Variants in GREB1 observed in about 807,000 individuals in gnomAD.
The protein encoded by GREB1 is growth regulating estrogen receptor binding 1, also known as protein GREB1.
A neutral mutation model predicts 200.7 loss-of-function variants in GREB1; 106 were observed. That is an observed-to-expected ratio of 0.53 (90% CI 0.45 to 0.62). GREB1 has a LOEUF of 0.62. Ranked by LOEUF, GREB1 falls within the 20% of genes least tolerant of loss-of-function variation. GREB1 has a pLI of 0.00. For synonymous variants in GREB1, 1,132 were observed against 1,092.4 expected (o/e 1.04, Z -0.72); for missense variants, 2,243 against 2,556.8 (o/e 0.88, Z 2.65).
chr2:11,547,062 G>A (rs1675351182), intron 1 of GREB1, among the ~76,000 whole-genome samples: 2 of 150,484 alleles, frequency 1.3e-5, no homozygotes, highest in Non-Finnish European at 2.9e-5. Context: ...CTCCTGCCTC[G>A]GCCTCCCGAG....
intron 11 of GREB1, among the ~76,000 whole-genome samples, chr2:11,594,261 C>T (rs1681007845): frequency 1.3e-5 from 2 of 151,780 alleles, no homozygotes; most frequent in African/African-American, 4.8e-5. Flanking sequence ...CCACCCGCCT[C>T]AGTCTCCCAA....
chr2:11,522,703 A>G (rs1209300949), intron 1 of GREB1, among the ~76,000 whole-genome samples: 1 of 152,210 alleles, frequency 6.6e-6, no homozygotes, highest in Non-Finnish European at 1.5e-5. Context: ...GGGACACAGA[A>G]TGACACAAGC....
At position 11,612,247 on chromosome 2, in the gene GREB1, C is replaced by G. The variant is rs149710181; in HGVS notation, c.3007-248C>G. On this transcript the variant is annotated intron_variant, in intron 18 of 32. Transcript: ENST00000381486. ...AGCTGACAACATAGACTTCCTTTCACGGAGCTGGTCAGCTGATAGAGATGT... is the reference window on the plus strand; with the variant it reads ...AGCTGACAACATAGACTTCCTTTCAGGGAGCTGGTCAGCTGATAGAGATGT... 5.1e-6 allele frequency: 5 copies of G among 978,348 alleles called. No individual in the cohort carries two copies. In the African/African-American group the frequency reaches 6.9e-5, roughly 13 times the overall value. 60.6% of individuals were successfully genotyped at this position (978,348 alleles called of 1,614,324 possible). A position where few individuals can be genotyped will look rare whatever the true frequency, so the allele number is the denominator to read the frequency against.
At chr2:11,595,198 GC>G in intron 11 of GREB1, 52 bp from the exon 12 acceptor site, 1 of 1,541,182 alleles carries the variant, frequency 6.5e-7, no homozygotes, top group Non-Finnish European at 8.8e-7. Flanking sequence ...GGGCTACACA[GC>G]CCGTAAGCAG....
At chr2:11,620,047 G>A (rs994138678) in intron 22 of GREB1, among the ~76,000 whole-genome samples, 1 of 152,172 alleles carries the variant, frequency 6.6e-6, no homozygotes, top group Non-Finnish European at 1.5e-5. Context: ...CACGATCTCA[G>A]CTCACCGCAG....
At chr2:11,609,441 G>C (rs1437086150) in intron 17 of GREB1, among the ~76,000 whole-genome samples, 2 of 152,066 alleles carry the variant, frequency 1.3e-5, no homozygotes, top group East Asian at 1.9e-4. Flanking sequence ...ACTAACTTTT[G>C]TATTTTTAGT....
rs758066300 is a variant in GREB1 at position 11,618,731 on chromosome 2, T to G, written c.3856T>G (p.Ser1286Ala). The change falls in exon 22 of 33, where the codon TCC becomes GCC. Residue 1286 changes from serine (S) to alanine (A), a missense_variant. Physicochemically the swap from Ser to Ala is moderately conservative, Grantham distance 99. Transcript: ENST00000381486. ...GLPKAASLLP[S>A]PSVMWASSFR... ...GCCCAAGGCCGCCTCCCTCCTGCCC[T>G]CCCCCTCGGTCATGTGGGCCAGCTC... 3 of 1,612,648 alleles carry G rather than the reference T, an allele frequency of 1.9e-6. No individual in the cohort carries two copies. The highest frequency in any genetic ancestry group is 2.2e-5 in the East Asian group (1 of 44,832).
intron 1 of GREB1, among the ~76,000 whole-genome samples, chr2:11,494,216 A>T (rs1302671093): frequency 6.6e-6 from 1 of 152,268 alleles, no homozygotes; most frequent in Non-Finnish European, 1.5e-5. Flanking sequence ...CTACAGGGGC[A>T]GTCTGATCCG....
Position 11,638,821 on chromosome 2 carries a change from A to G in GREB1, c.5686+12A>G. ...TCATTTTCTGAAAGGTAACTTTTGT[A>G]CTCTTAACTCTGCACCTTGTCTTCA... On this transcript the variant is annotated intron_variant, in intron 32 of 32. Transcript: ENST00000381486. 2 of 1,613,420 alleles carry G rather than the reference A, an allele frequency of 1.2e-6. No individual in the cohort carries two copies. The highest frequency in any genetic ancestry group is 2.2e-5 in the South Asian group (2 of 90,940).
At chr2:11,539,530 C>T (rs1674567843) in intron 1 of GREB1, among the ~76,000 whole-genome samples, 1 of 152,206 alleles carries the variant, frequency 6.6e-6, no homozygotes, top group Non-Finnish European at 1.5e-5. Context: ...GACTGTCTTC[C>T]ACCACAAAGC....
In GREB1 at chr2:11,636,997, G is replaced by T. The variant is rs1450210376; in HGVS notation, c.5347-719G>T. On this transcript the variant is annotated intron_variant, in intron 30 of 32. Transcript: ENST00000381486. ...AGGCAGGGGCATGGGCAGAGGTAGG[G>T]ACAGAGGCAGGGGCAGGGACAGAGG... is the stretch of plus-strand genomic sequence containing the variant. 1.0e-4 allele frequency among the ~76,000 whole-genome samples: 15 copies of T among 147,170 alleles called. 2 individuals are homozygous for T. Among genetic ancestry groups the T allele is most frequent in the Admixed American group, 8.1e-4 (12 of 14,878 alleles).
chr2:11,518,964 G>A (rs985366031), intron 1 of GREB1, among the ~76,000 whole-genome samples: 5 of 151,958 alleles, frequency 3.3e-5, no homozygotes, highest in South Asian at 2.1e-4. Flanking sequence ...GTTGGGCGTG[G>A]TGGTAGGTGC....
chr2:11,614,627 A>G (rs531683316), intron 19 of GREB1, among the ~76,000 whole-genome samples: 2 of 151,550 alleles, frequency 1.3e-5, no homozygotes, highest in South Asian at 2.1e-4. Context: ...GCAGTGACAC[A>G]ATCTCGGCTC....
In GREB1 at chr2:11,620,980, G is replaced by A. The variant is rs1355839503; in HGVS notation, c.4120G>A (p.Val1374Ile). 2.5e-6 allele frequency: 4 copies of A among 1,609,994 alleles called. No homozygotes were observed. The highest frequency in any genetic ancestry group is 2.7e-5 in the African/African-American group (2 of 74,854). ...RMLVRLTEVDVYDEEEININL... is the reference protein window; with the variant it reads ...RMLVRLTEVDIYDEEEININL... ...GCTTGTTCGGCTCACAGAAGTGGAT[G>A]TCTATGACGAGGAGGAGATCAATAT... Residue 1374 changes from valine (V) to isoleucine (I), a missense_variant, in exon 23 of 33, where the codon GTC becomes ATC. Transcript: ENST00000381486.
intron 26 of GREB1, among the ~76,000 whole-genome samples, chr2:11,630,347 T>C (rs1684786446): frequency 6.6e-6 from 1 of 152,240 alleles, no homozygotes; most frequent in Non-Finnish European, 1.5e-5. Context: ...AGCCTTGGTT[T>C]CCTCATTGTT....
chr2:11,610,748 C>T lies in GREB1; in HGVS notation c.2727C>T (p.Ala909=), dbSNP rs555615375. 1.3e-5 allele frequency: 21 copies of T among 1,613,522 alleles called. No homozygotes were observed. Among genetic ancestry groups the T allele is most frequent in the Middle Eastern group, 1.6e-4 (1 of 6,062 alleles). The change falls in exon 18 of 33, where the codon GCC becomes GCT. Residue 909 remains alanine, a synonymous_variant. Coordinates refer to ENST00000381486, the MANE Select transcript of GREB1 (RefSeq NM_014668.4). ...RTFVLVQHYA[A]ALMAVSGLPQ... The stretch of plus-strand genomic sequence containing the variant: ...TTGTTCTCGTGCAGCACTACGCGGC[C>T]GCCCTGATGGCCGTAAGCGGCCTCC...
chr2:11,517,396 G>T (rs1673543180), intron 1 of GREB1: 1 of 152,464 alleles, frequency 6.6e-6, no homozygotes, highest in African/African-American at 2.4e-5. Flanking sequence ...AAGAGAAAGG[G>T]ATCGATGGCT....
chr2:11,632,729 T>C (rs1157083734), intron 27 of GREB1, among the ~76,000 whole-genome samples, 160 bp from the exon 28 acceptor site: 1 of 152,230 alleles, frequency 6.6e-6, no homozygotes, highest in Non-Finnish European at 1.5e-5. Context: ...TGTAGTTTTC[T>C]CTCCCTAGCC....
At chr2:11,602,675 G>A in intron 17 of GREB1, 133 bp downstream of exon 17, 1 of 723,448 alleles carries the variant, frequency 1.4e-6, no homozygotes, top group Non-Finnish European at 2.4e-6. Flanking sequence ...TCCACTAAAT[G>A]TACCCTGGTT....
Sources: allele counts gnomAD v4.1 joint callset (sites outside exome capture counted in the v4.1 genomes callset), GRCh38; gene constraint gnomAD v4.1.1; transcripts MANE v1.5; gene names NCBI Gene and HGNC (gene_info 2026-07-23, HGNC 2026-07-21).